The following ATP8B1 variants were observed in gnomAD, a reference collection of about 807,000 sequenced individuals.
The protein encoded by ATP8B1 is phospholipid-transporting ATPase IC.
Under a neutral mutation model 149.9 loss-of-function variants are expected in ATP8B1, and 80 were observed. That is an observed-to-expected ratio of 0.53 (90% confidence interval 0.45 to 0.64). The LOEUF is 0.64. ATP8B1 is among the 30% of genes least tolerant of loss of function. The probability of loss-of-function intolerance (pLI) is 0.00; values close to 1 mark genes in which losing one functional copy is unlikely to be tolerated. For missense variants in ATP8B1, 1,247 were observed against 1,552.6 expected, an observed-to-expected ratio of 0.80 and a Z score of 3.31; for synonymous variants, 536 against 562.8, an observed-to-expected ratio of 0.95 and a Z score of 0.67.
intron 2 of ATP8B1, among the ~76,000 whole-genome samples, chr18:57,710,720 C>T (rs1207567126): frequency 6.6e-6 from 1 of 152,148 alleles, no homozygotes; most frequent in Non-Finnish European, 1.5e-5. Flanking sequence ...CTGCAACTTC[C>T]GTCTCCTGGG....
intron 1 of ATP8B1, among the ~76,000 whole-genome samples, chr18:57,753,169 A>G (rs538414711): frequency 6.6e-6 from 1 of 152,368 alleles, no homozygotes; most frequent in East Asian, 1.9e-4. Flanking sequence ...AGAACCAGTA[A>G]TATAACTACT....
At position 57,671,312 on chromosome 18, in the gene ATP8B1, G is replaced by C. The variant is rs1488031645; in HGVS notation, c.1932+156C>G. Among the ~76,000 whole-genome samples the C allele has an allele frequency of 1.3e-4, 20 of 152,176 alleles. 1 individual carries two copies. The highest frequency in any genetic ancestry group is 1.3e-3 in the Admixed American group (20 of 15,282). ...GTGGCAGGGGCAGAACTGGGACCCA[G>C]GTGGCTGTATTCCTACTTTACTGCT... On this transcript the variant is annotated intron_variant, in intron 17 of 27. Coordinates refer to ENST00000648908, the MANE Select transcript of ATP8B1 (RefSeq NM_001374385.1).
chr18:57,650,227 T>C (rs2122544291), intron 27 of ATP8B1, 140 bp downstream of exon 27: 2 of 1,087,272 alleles, frequency 1.8e-6, no homozygotes, highest in South Asian at 2.7e-5. Flanking sequence ...ATTTGTGAGA[T>C]AGAGTTAAAG....
rs1248676609 is a variant in ATP8B1 at position 57,729,672 on chromosome 18, T to C, written c.181+1955A>G. 2.0e-5 allele frequency among the ~76,000 whole-genome samples: 3 copies of C among 149,816 alleles called. No homozygotes were observed. The East Asian group carries it at 6.2e-4, about 31-fold the overall frequency. ...TTCTAGTGATTCTCCTGCCTCAGCC[T>C]CCCAAATAGCTGGGACTACAGGCAC... On this transcript the variant is annotated intron_variant, in intron 2 of 27. Coordinates refer to ENST00000648908, the MANE Select transcript of ATP8B1 (RefSeq NM_001374385.1).
intron 1 of ATP8B1, among the ~76,000 whole-genome samples, chr18:57,781,066 C>T (rs985218898): frequency 6.6e-6 from 1 of 152,214 alleles, no homozygotes; most frequent in Non-Finnish European, 1.5e-5. Context: ...ATTCACATAA[C>T]CACTGCTGGT....
chr18:57,724,847 A>G (rs1393249061), intron 2 of ATP8B1, among the ~76,000 whole-genome samples: 47 of 108,012 alleles, frequency 4.4e-4, no homozygotes, highest in African/African-American at 1.5e-4. Flanking sequence ...ACTTGGAACC[A>G]ACCCAAATGT....
chr18:57,674,335 AC>A (rs910034090), intron 16 of ATP8B1, among the ~76,000 whole-genome samples: 16 of 150,526 alleles, frequency 1.1e-4, no homozygotes, highest in African/African-American at 3.6e-4. Context: ...TACTGTGGCT[AC>A]CCCTTTGAGT....
chr18:57,687,933 C>A (rs1036912480), intron 13 of ATP8B1, among the ~76,000 whole-genome samples: 7 of 152,072 alleles, frequency 4.6e-5, no homozygotes, highest in African/African-American at 1.7e-4. Context: ...CTGTGCGCCA[C>A]CACCACACCT....
intron 1 of ATP8B1, among the ~76,000 whole-genome samples, chr18:57,756,192 C>CATATATATATATATATATATATATATAT (rs147263393): frequency 2.7e-4 from 23 of 84,716 alleles, no homozygotes; most frequent in African/African-American, 5.0e-4. Flanking sequence ...ATTTCCACAA[C>CATATATATATATATATATATATATATAT]ATATATATAT....
intron 2 of ATP8B1, among the ~76,000 whole-genome samples, chr18:57,710,001 T>TC (rs1466236372): frequency 4.6e-5 from 7 of 151,052 alleles, no homozygotes; most frequent in South Asian, 2.1e-4. Context: ...TCTTTTCTTT[T>TC]TTTTTTTTTT....
intron 1 of ATP8B1, among the ~76,000 whole-genome samples, chr18:57,795,362 C>G (rs2080504062): frequency 8.4e-6 from 1 of 118,708 alleles, no homozygotes; most frequent in African/African-American, 3.1e-5. Flanking sequence ...ATGATCACAC[C>G]ACTGCACTCC....
At chr18:57,756,236 C>CATAT (rs376210260) in intron 1 of ATP8B1, among the ~76,000 whole-genome samples, 18,343 of 105,808 alleles carry the variant, frequency 0.17, 2,293 homozygotes, top group South Asian at 0.25. Flanking sequence ...CACACACACA[C>CATAT]ATATATACAC....
intron 1 of ATP8B1, among the ~76,000 whole-genome samples, chr18:57,770,953 T>TGA (rs1346737958): frequency 2.6e-5 from 4 of 152,224 alleles, no homozygotes; most frequent in Non-Finnish European, 4.4e-5. Context: ...AACTTCTGCC[T>TGA]CCTAGGTTCA....
intron 2 of ATP8B1, among the ~76,000 whole-genome samples, chr18:57,713,135 C>T (rs527952604): frequency 6.6e-6 from 1 of 151,194 alleles, no homozygotes; most frequent in Non-Finnish European, 1.5e-5. Flanking sequence ...TTAAAGGGTG[C>T]TTTGTCTTGC....
intron 15 of ATP8B1, among the ~76,000 whole-genome samples, chr18:57,678,946 T>G (rs1252838742): frequency 2.4e-5 from 2 of 83,568 alleles, no homozygotes; most frequent in Admixed American, 1.4e-4. Flanking sequence ...AAGAGTGTGG[T>G]GTTGATGGTA....
chr18:57,664,047 G>A (rs1446641932), intron 20 of ATP8B1, among the ~76,000 whole-genome samples: 2 of 143,524 alleles, frequency 1.4e-5, no homozygotes, highest in African/African-American at 2.6e-5. Context: ...TTACAGGCAT[G>A]AGCCACCACG....
chr18:57,675,078 A>G (rs1911513450), intron 15 of ATP8B1, 56 bp from the exon 16 acceptor site: 1 of 1,566,584 alleles, frequency 6.4e-7, no homozygotes, highest in Admixed American at 1.8e-5. Flanking sequence ...TGCAGAGCTC[A>G]TTGTTGAGGC....
Position 57,647,409 on chromosome 18 carries a change from G to C in ATP8B1, c.*1079C>G, listed in dbSNP as rs1399655482. ...AAATAGAATTAATAAACCAATATGA[G>C]GAAACATGAAACCATGCAATCTACT... is the stretch of plus-strand genomic sequence containing the variant. On this transcript the variant is annotated 3_prime_UTR_variant, in exon 28 of 28. Transcript: ENST00000648908. 6.6e-6 allele frequency: 1 copy of C among 152,034 alleles called. No individual in the cohort carries two copies. The highest frequency in any genetic ancestry group is 1.9e-4 in the East Asian group (1 of 5,190). The allele number at this position is 152,034 out of a possible 1,614,324, so 9.4% of individuals were successfully genotyped here.
At position 57,662,485 on chromosome 18, in the gene ATP8B1, A is replaced by G. The variant is rs1449231176; in HGVS notation, c.2416T>C (p.Leu806=). The stretch of plus-strand genomic sequence containing the variant: ...ACAGATACACTAATGATACGTACCA[A>G]CCAAGAACCAGTGATGATTAAGGCA... ...NRALIITGSW[L]NEILLEKKTK... Residue 806 remains leucine (L), a splice_region_variant and synonymous_variant, in exon 21 of 28, where the codon TTG becomes CTG. Transcript: ENST00000648908. 1 of 1,614,004 alleles carries G rather than the reference A, an allele frequency of 6.2e-7. No homozygotes were observed. The highest frequency in any genetic ancestry group is 8.5e-7 in the Non-Finnish European group (1 of 1,180,010).
Sources: allele counts gnomAD v4.1 joint callset (sites outside exome capture counted in the v4.1 genomes callset), GRCh38; gene constraint gnomAD v4.1.1; transcripts MANE v1.5; gene names NCBI Gene and HGNC (gene_info 2026-07-23, HGNC 2026-07-21).